Variants in ADGRL2 observed in about 807,000 individuals in gnomAD.
ADGRL2 encodes adhesion G protein-coupled receptor L2.
A neutral mutation model predicts 157.4 loss-of-function variants in ADGRL2; 44 were observed. The observed-to-expected ratio is 0.28, with a 90% CI of 0.22 to 0.36. The LOEUF (loss-of-function observed/expected upper bound fraction) is 0.36. Among genes scored for constraint, ADGRL2 ranks in the 10% least tolerant of loss-of-function variants. The pLI, the probability that ADGRL2 is intolerant of heterozygous loss-of-function variation, is 1.00. For missense variants in ADGRL2, 1,510 were observed against 1,768.9 expected (o/e 0.85, Z 2.63); for synonymous variants, 585 against 624.7 (o/e 0.94, Z 0.95).
upstream of ADGRL2, among the ~76,000 whole-genome samples, chr1:81,697,639 T>C (rs1163812497): frequency 6.6e-6 from 1 of 152,122 alleles, no homozygotes; most frequent in Non-Finnish European, 1.5e-5. Flanking sequence ...ACCAAGACAT[T>C]GGATAGCAAA....
chr1:81,943,454 A>G lies in ADGRL2; in HGVS notation c.895A>G (p.Thr299Ala), dbSNP rs1355464174. 6.2e-7 allele frequency: 1 copy of G among 1,613,600 alleles called. No homozygotes were observed. The highest frequency in any genetic ancestry group is 8.5e-7 in the Non-Finnish European group (1 of 1,179,736). ...AGTTATTAGCCAGCTGAATCCATAC[A>G]CTCTTCGATTTGAAGCAACGTGGGA... ...MIVISQLNPY[T>A]LRFEATWETV... Residue 299 changes from threonine to alanine, a missense_variant, in exon 6 of 24, where the codon ACT becomes GCT. Around this residue, in one of 4 missense-constraint regions of ADGRL2, gnomAD observed 361 missense variants for 498.4 expected, o/e 0.72. Coordinates refer to ENST00000686636, the MANE Select transcript of ADGRL2 (RefSeq NM_001366006.2). The surrounding 1 kb of genome is among the most constrained non-coding windows in gnomAD (Gnocchi z 5.6).
At chr1:81,941,297 G>A (rs903232070) in intron 4 of ADGRL2, among the ~76,000 whole-genome samples, 1 of 151,304 alleles carries the variant, frequency 6.6e-6, no homozygotes, top group Non-Finnish European at 1.5e-5. Flanking sequence ...AATTCTTAGT[G>A]GGGGAGAAAG....
Position 81,977,250 on chromosome 1 carries a change from A to G in ADGRL2, c.3022-2619A>G, listed in dbSNP as rs189661031. On this transcript the variant is annotated intron_variant, in intron 17 of 23. Transcript: ENST00000686636. ...AATTTTCTTTATTTTCTGAACTTGT[A>G]TTGTGAATGTATTGTATGTGTAACT... is the stretch of plus-strand genomic sequence containing the variant. Among the ~76,000 whole-genome samples the G allele has an allele frequency of 2.8e-3, 432 of 151,962 alleles. 2 individuals are homozygous for G. The highest frequency in any genetic ancestry group is 9.7e-3 in the African/African-American group (404 of 41,544).
At position 81,859,996 on chromosome 1, in the gene ADGRL2, G is replaced by A. The variant is rs544484726; in HGVS notation, c.73+22939G>A. ...ATTCCAGCATTTTGGAGGCCGAGGCGGGCGAATCACAAGGTCAGGAGTTCC... is the reference window on the plus strand; with the variant it reads ...ATTCCAGCATTTTGGAGGCCGAGGCAGGCGAATCACAAGGTCAGGAGTTCC... On this transcript the variant is annotated intron_variant, in intron 2 of 23. Coordinates refer to ENST00000686636, the MANE Select transcript of ADGRL2 (RefSeq NM_001366006.2). Among the ~76,000 whole-genome samples, 145 of 151,836 alleles carry A rather than the reference G, an allele frequency of 9.5e-4. 1 individual carries two copies. Among genetic ancestry groups the A allele is most frequent in the Non-Finnish European group, 1.5e-3 (101 of 67,950 alleles).
chr1:81,932,240 ACTT>A (rs757333810), intron 3 of ADGRL2, among the ~76,000 whole-genome samples: 4 of 152,160 alleles, frequency 2.6e-5, no homozygotes, highest in Non-Finnish European at 4.4e-5. Flanking sequence ...AAAACATTAT[ACTT>A]CTTATCTGTT....
chr1:81,761,047 A>G (rs1177282385), intron 1 of ADGRL2, among the ~76,000 whole-genome samples: 1 of 151,936 alleles, frequency 6.6e-6, no homozygotes, highest in Non-Finnish European at 1.5e-5. Flanking sequence ...TCTAAGTAGG[A>G]CATCCTTCAA....
intron 2 of ADGRL2, among the ~76,000 whole-genome samples, chr1:81,454,208 A>T (rs1198673576): frequency 1.3e-5 from 2 of 151,468 alleles, no homozygotes; most frequent in East Asian, 3.9e-4. Context: ...TTAATGCACT[A>T]GAAGCATTTG....
At chr1:81,426,497 C>A in intron 1 of ADGRL2, 1 of 399,492 alleles carries the variant, frequency 2.5e-6, no homozygotes. Flanking sequence ...AAGCCCAATT[C>A]CAGCTGTGAC....
At chr1:81,827,575 G>GT (rs201581615) in intron 1 of ADGRL2, among the ~76,000 whole-genome samples, 130 of 151,912 alleles carry the variant, frequency 8.6e-4, no homozygotes, top group East Asian at 8.5e-3. Context: ...AACACGAATT[G>GT]TTTTTTTTGA....
intron 2 of ADGRL2, among the ~76,000 whole-genome samples, chr1:81,479,558 A>G (rs571699251): frequency 6.6e-6 from 1 of 152,294 alleles, no homozygotes; most frequent in East Asian, 1.9e-4. Context: ...TTTTGGAGAT[A>G]AGGAATGAAA....
At chr1:81,375,839 C>T (rs922348516) in intron 1 of ADGRL2, among the ~76,000 whole-genome samples, 3 of 151,872 alleles carry the variant, frequency 2.0e-5, no homozygotes, top group Non-Finnish European at 4.4e-5. Flanking sequence ...TATGGTTCAT[C>T]GCTTGGATTT....
chr1:81,868,750 T>C (rs1056408097), intron 2 of ADGRL2, among the ~76,000 whole-genome samples: 1 of 152,116 alleles, frequency 6.6e-6, no homozygotes, highest in Non-Finnish European at 1.5e-5. Flanking sequence ...TTAGCACTTA[T>C]TACAAACATG....
Position 81,991,164 on chromosome 1 carries a change from C to A in ADGRL2, c.*19C>A. 6.3e-7 allele frequency: 1 copy of A among 1,582,394 alleles called. No individual in the cohort carries two copies. The highest frequency in any genetic ancestry group is 8.6e-7 in the Non-Finnish European group (1 of 1,162,082). On this transcript the variant is annotated 3_prime_UTR_variant, in exon 24 of 24. Coordinates refer to ENST00000686636, the MANE Select transcript of ADGRL2 (RefSeq NM_001366006.2). ...TCTTTAATCATACAGCTAAGGAATTCCAAGGGCCACATGCGAGTATTAATA... is the reference window on the plus strand; with the variant it reads ...TCTTTAATCATACAGCTAAGGAATTACAAGGGCCACATGCGAGTATTAATA...
intron 2 of ADGRL2, among the ~76,000 whole-genome samples, chr1:81,871,778 G>A (rs1262806119): frequency 6.6e-6 from 1 of 152,134 alleles, no homozygotes; most frequent in Non-Finnish European, 1.5e-5. Flanking sequence ...TTTTTGATGG[G>A]GTTGTTTGAT....
At chr1:81,607,328 G>A (rs931796185) in intron 3 of ADGRL2, among the ~76,000 whole-genome samples, 11 of 152,162 alleles carry the variant, frequency 7.2e-5, no homozygotes, top group African/African-American at 2.7e-4. Context: ...ACTTACCGGT[G>A]AATGAAATAC....
chr1:81,466,104 G>T (rs1255418004), intron 2 of ADGRL2, among the ~76,000 whole-genome samples: 1 of 152,194 alleles, frequency 6.6e-6, no homozygotes, highest in African/African-American at 2.4e-5. Context: ...GAAGCCAGAA[G>T]ATAGAATGCT....
chr1:81,858,379 A>G (rs1380409138), intron 2 of ADGRL2, among the ~76,000 whole-genome samples: 4 of 152,198 alleles, frequency 2.6e-5, no homozygotes, highest in Admixed American at 1.3e-4. Flanking sequence ...AGCAAATGCT[A>G]TGTTTTTGCA....
chr1:81,573,798 G>C (rs527833722), intron 2 of ADGRL2, among the ~76,000 whole-genome samples: 1 of 152,226 alleles, frequency 6.6e-6, no homozygotes, highest in African/African-American at 2.4e-5. Context: ...CCTCATATTT[G>C]AATCCTTATA....
intron 3 of ADGRL2, among the ~76,000 whole-genome samples, chr1:81,657,452 A>G (rs1206424744): frequency 6.6e-6 from 1 of 152,166 alleles, no homozygotes; most frequent in Non-Finnish European, 1.5e-5. Flanking sequence ...TACCCAGTCT[A>G]AGATATTTTG....
Sources: gnomAD v4.1 joint callset for allele counts (sites outside exome capture counted in the v4.1 genomes callset) on GRCh38, gnomAD v4.1.1 for gene constraint, gnomAD v4.1.1 regional missense constraint, Gnocchi (gnomAD v3.1) non-coding constraint, MANE v1.5 for transcripts, NCBI Gene and HGNC (gene_info 2026-07-23, HGNC 2026-07-21) for gene names.